The following PLEKHH3 variants were observed in gnomAD, a reference collection of about 807,000 sequenced individuals.
The protein encoded by PLEKHH3 is pleckstrin homology, MyTH4 and FERM domain containing H3.
PLEKHH3 carries 57 observed loss-of-function variants against 77.8 expected under a neutral mutation model. The observed-to-expected ratio is 0.73, with a 90% confidence interval of 0.59 to 0.91. The LOEUF (loss-of-function observed/expected upper bound fraction) is 0.91. PLEKHH3 is among the 40% of genes least tolerant of loss of function. PLEKHH3 has a pLI of 0.00. For missense variants in PLEKHH3, 1,082 were observed against 1,091.2 expected (o/e 0.99, Z 0.12); for synonymous variants, 467 against 504.8 (o/e 0.93, Z 1.00).
intron 10 of PLEKHH3, 32 bp from the exon 11 acceptor site, chr17:42,670,408 A>T: frequency 6.9e-7 from 1 of 1,459,828 alleles, no homozygotes; most frequent in Non-Finnish European, 9.0e-7. Context: ...TCAGTGTACG[A>T]GCGGCGGCGG....
At position 42,673,812 on chromosome 17, in the gene PLEKHH3, G is replaced by A; in HGVS notation, c.321C>T (p.Arg107=). Residue 107 remains arginine (R), a synonymous_variant, in exon 4 of 13, where the codon CGC becomes CGT. Coordinates refer to ENST00000591022, the MANE Select transcript of PLEKHH3 (RefSeq NM_024927.5). ...VVKGWLYREP[R]GGGARPWLPP... ...GCAGCCAGGGCCGCGCCCCTCCTCC[G>A]CGGGGCTCCCGGTACAGCCAACCTG... 6.3e-7 allele frequency: 1 copy of A among 1,590,564 alleles called. No homozygotes were observed. Among genetic ancestry groups the A allele is most frequent in the Non-Finnish European group, 8.5e-7 (1 of 1,173,454 alleles).
intron 1 of PLEKHH3, chr17:42,674,976 A>G (rs1052163720): frequency 2.6e-5 from 4 of 152,394 alleles, no homozygotes; most frequent in African/African-American, 9.7e-5. Context: ...ATTCTCCCAT[A>G]GACACTCCTG....
Position 42,671,049 on chromosome 17 carries a change from C to G in PLEKHH3, c.1366G>C (p.Glu456Gln). 1 of 1,610,294 alleles carries G rather than the reference C, an allele frequency of 6.2e-7. No individual in the cohort carries two copies. The stretch of plus-strand genomic sequence containing the variant: ...AGGGTCCCCCCAGCCAGGGCTCGCT[C>G]CTGGGCCCCTCGCTGCTCGTACAGC... Reference protein sequence around the residue: ...FALYEQRGAQERALAGGTLVA... With the variant: ...FALYEQRGAQQRALAGGTLVA... Residue 456 changes from glutamate (E) to glutamine (Q), a missense_variant, in exon 9 of 13, where the codon GAG becomes CAG. By Grantham distance (29) the Glu-to-Gln change is conservative. Around this residue, in one of 3 missense-constraint regions of PLEKHH3, gnomAD observed 733 missense variants for 750.0 expected, o/e 0.98. Transcript: ENST00000591022. This position sits in a 1 kb window ranked among gnomAD's most constrained non-coding sequence, Gnocchi z 4.7.
In PLEKHH3 at chr17:42,673,566, AG is replaced by A. The variant is rs761211515; in HGVS notation, c.491-11del. 1.3e-4 allele frequency: 212 copies of A among 1,587,536 alleles called. 1 individual carries two copies. The South Asian group carries it at 1.4e-3, about 10-fold the overall frequency. On this transcript the variant is annotated splice_polypyrimidine_tract_variant and intron_variant, in intron 4 of 12. Coordinates refer to ENST00000591022, the MANE Select transcript of PLEKHH3 (RefSeq NM_024927.5). ...GTCACTGACCACAGACCTGGGGAAAAGAGAGGCCAGGGAGGGCCATTAGGGT... is the reference window on the plus strand; with the variant it reads ...GTCACTGACCACAGACCTGGGGAAAAAGAGGCCAGGGAGGGCCATTAGGGT...
intron 1 of PLEKHH3, among the ~76,000 whole-genome samples, chr17:42,675,553 G>A (rs1424168014): frequency 6.6e-6 from 1 of 152,150 alleles, no homozygotes. Context: ...GCCTCCGCCA[G>A]GTGCTGGCGC....
rs373970639 is a variant in PLEKHH3 at position 42,671,851 on chromosome 17, C to A, written c.1076+235G>T. Among the ~76,000 whole-genome samples, 1 of 152,198 alleles carries A rather than the reference C, an allele frequency of 6.6e-6. No homozygotes were observed. Among genetic ancestry groups the A allele is most frequent in the Non-Finnish European group, 1.5e-5 (1 of 68,042 alleles). ...TTTACTACATTTTCCTAAGCCCTGG[C>A]GCTGGCCTGCATCAGCTGGAGGAAA... On this transcript the variant is annotated intron_variant, in intron 7 of 12. Coordinates refer to ENST00000591022, the MANE Select transcript of PLEKHH3 (RefSeq NM_024927.5). This position sits in a 1 kb window ranked among gnomAD's most constrained non-coding sequence, Gnocchi z 4.7.
chr17:42,669,282 C>T, intron 12 of PLEKHH3, 148 bp downstream of exon 12: 2 of 680,452 alleles, frequency 2.9e-6, no homozygotes, highest in East Asian at 6.6e-5. Flanking sequence ...TCTGACTCCA[C>T]TCTAGTGTAA....
At position 42,670,098 on chromosome 17, in the gene PLEKHH3, G is replaced by A. The variant is rs1168326302; in HGVS notation, c.1833C>T (p.Arg611=). 2 of 1,352,424 alleles carry A rather than the reference G, an allele frequency of 1.5e-6. No individual in the cohort carries two copies. The highest frequency in any genetic ancestry group is 1.9e-6 in the Non-Finnish European group (2 of 1,060,976). The allele number at this position is 1,352,424 out of a possible 1,614,324, so 83.8% of individuals were successfully genotyped here. The stretch of plus-strand genomic sequence containing the variant: ...CCTCGCGGGCAATGCTTCCCGCAGT[G>A]CGGCCGGCCCCGCCGCGCCGGGCCC... ...AERARRGGAG[R]TAGSIAREGG... The change falls in exon 11 of 13, where the codon CGC becomes CGT. Residue 611 remains arginine (R), a synonymous_variant. Transcript: ENST00000591022.
At position 42,670,346 on chromosome 17, in the gene PLEKHH3, G is replaced by T; in HGVS notation, c.1585C>A (p.Pro529Thr). ...GCGCGCAGCGTGTCGTCGGGTGGGG[G>T]CGGCCGGCCCCGCAGCAGCAGAGCG... ...AHALLLRGRP[P>T]PPDDTLRALA... Residue 529 changes from proline (P) to threonine (T), a missense_variant, in exon 11 of 13, where the codon CCC becomes ACC. Physicochemically the swap from Pro to Thr is conservative, Grantham distance 38 (BLOSUM62 -1). Transcript: ENST00000591022. 7.1e-7 allele frequency: 1 copy of T among 1,410,362 alleles called. No individual in the cohort carries two copies. The highest frequency in any genetic ancestry group is 9.2e-7 in the Non-Finnish European group (1 of 1,091,944). The allele number at this position is 1,410,362 out of a possible 1,614,324, so 87.4% of individuals were successfully genotyped here.
At position 42,669,585 on chromosome 17, in the gene PLEKHH3, C is replaced by A; in HGVS notation, c.2050G>T (p.Gly684Cys). 1 of 1,610,400 alleles carries A rather than the reference C, an allele frequency of 6.2e-7. No homozygotes were observed. Among genetic ancestry groups the A allele is most frequent in the Non-Finnish European group, 8.5e-7 (1 of 1,177,676 alleles). ...AGGGACATGGCCTTGGCTCCCAAGCCCAGGCACAGCTTCTGTGGAGCACCC... is the reference window on the plus strand; with the variant it reads ...AGGGACATGGCCTTGGCTCCCAAGCACAGGCACAGCTTCTGTGGAGCACCC... ...GRGAPQKLCL[G>C]LGAKAMSLSR... Residue 684 changes from glycine to cysteine, a missense_variant, in exon 12 of 13, where the codon GGC becomes TGC. Coordinates refer to ENST00000591022, the MANE Select transcript of PLEKHH3 (RefSeq NM_024927.5).
intron 9 of PLEKHH3, 123 bp from the exon 10 acceptor site, chr17:42,670,828 A>G (rs527710568): frequency 1.3e-6 from 2 of 1,516,362 alleles, no homozygotes; most frequent in African/African-American, 1.4e-5. Context: ...AGCGGAGGTG[A>G]TGCTGCAGTC....
chr17:42,671,314 G>A lies in PLEKHH3; in HGVS notation c.1284+37C>T. 1 of 1,598,446 alleles carries A rather than the reference G, an allele frequency of 6.3e-7. No homozygotes were observed. Among genetic ancestry groups the A allele is most frequent in the Non-Finnish European group, 8.5e-7 (1 of 1,170,240 alleles). On this transcript the variant is annotated intron_variant, in intron 8 of 12. Transcript: ENST00000591022. This position sits in a 1 kb window ranked among gnomAD's most constrained non-coding sequence, Gnocchi z 4.7. ...GAGACAGGCGTGAGAAGCTGGCAGG[G>A]TGGGTTGGAGGTCATGGGGCCTTTC...
chr17:42,674,124 C>G (rs2143599358), intron 2 of PLEKHH3, 111 bp from the exon 3 acceptor site: 1 of 1,239,596 alleles, frequency 8.1e-7, no homozygotes, highest in East Asian at 2.5e-5. Context: ...CACCCCTCCC[C>G]CAGGCTGTGG....
chr17:42,676,436 TC>T lies in PLEKHH3; in HGVS notation c.127del (p.Glu43SerfsTer17). Reference protein sequence around the residue: ...GDEDEDEETFELRTPSPAGGG... With the variant: ...GDEDEDEETFXLRTPSPAGGG... ...GCCCGCTGGACTCGGGGTCCGCAGC[TC>T]AAAGGTTTCCTCGTCCTCGTCCTCG... On this transcript the variant is annotated frameshift_variant, in exon 1 of 13. Transcript: ENST00000591022. LOFTEE classifies it high-confidence loss of function. This position sits in a 1 kb window ranked among gnomAD's most constrained non-coding sequence, Gnocchi z 6.6. 6.2e-7 allele frequency: 1 copy of T among 1,613,418 alleles called. No individual in the cohort carries two copies. Among genetic ancestry groups the T allele is most frequent in the Non-Finnish European group, 8.5e-7 (1 of 1,179,934 alleles).
chr17:42,673,823 G>C lies in PLEKHH3; in HGVS notation c.310C>G (p.Arg104Gly), dbSNP rs750937800. 3 of 1,593,238 alleles carry C rather than the reference G, an allele frequency of 1.9e-6. No homozygotes were observed. Among genetic ancestry groups the C allele is most frequent in the Admixed American group, 1.7e-5 (1 of 58,046 alleles). ...PDIVVKGWLY[R>G]EPRGGGARPW... ...CGCGCCCCTCCTCCGCGGGGCTCCCGGTACAGCCAACCTGGGGGCCGGAGA... is the reference window on the plus strand; with the variant it reads ...CGCGCCCCTCCTCCGCGGGGCTCCCCGTACAGCCAACCTGGGGGCCGGAGA... Residue 104 changes from arginine (R) to glycine (G), a missense_variant, in exon 4 of 13, where the codon CGG becomes GGG. By Grantham distance (125) the Arg-to-Gly change is moderately radical. This residue lies in a region of PLEKHH3 where 344 missense variants were observed against 320.8 expected (regional missense o/e 1.07). Coordinates refer to ENST00000591022, the MANE Select transcript of PLEKHH3 (RefSeq NM_024927.5).
In PLEKHH3 at chr17:42,671,680, T is replaced by C. The variant is rs971955668; in HGVS notation, c.1077-122A>G. 1.1e-5 allele frequency: 12 copies of C among 1,057,794 alleles called. No individual in the cohort carries two copies. In the African/African-American group the frequency reaches 1.9e-4, roughly 17 times the overall value. The allele number at this position is 1,057,794 out of a possible 1,614,324, so 65.5% of individuals were successfully genotyped here. A position where few individuals can be genotyped will look rare whatever the true frequency, so the allele number is the denominator to read the frequency against. ...TTCCTCCCCGCCCCAACTCAAGTTC[T>C]TTGAAGGCTCTTCTAAATCTCTCCC... On this transcript the variant is annotated intron_variant, in intron 7 of 12. Coordinates refer to ENST00000591022, the MANE Select transcript of PLEKHH3 (RefSeq NM_024927.5). This position sits in a 1 kb window ranked among gnomAD's most constrained non-coding sequence, Gnocchi z 4.7.
Position 42,671,591 on chromosome 17 carries a change from C to T in PLEKHH3, c.1077-33G>A. Reference sequence around the variant, plus strand: ...AGGAGGAACCCAGGGATCAATACTCCAAGGGCTTTCTTCTCCCCCTCCCTC... The same window carrying T: ...AGGAGGAACCCAGGGATCAATACTCTAAGGGCTTTCTTCTCCCCCTCCCTC... On this transcript the variant is annotated intron_variant, in intron 7 of 12. Transcript: ENST00000591022. The surrounding 1 kb of genome is among the most constrained non-coding windows in gnomAD (Gnocchi z 4.7). The T allele has an allele frequency of 1.3e-6, 2 of 1,564,840 alleles. No homozygotes were observed. Among genetic ancestry groups the T allele is most frequent in the African/African-American group, 1.3e-5 (1 of 74,114 alleles).
intron 2 of PLEKHH3, 147 bp downstream of exon 2, chr17:42,674,207 G>C: frequency 8.7e-7 from 1 of 1,143,618 alleles, no homozygotes; most frequent in Non-Finnish European, 1.2e-6. Context: ...GCCCCCAGCC[G>C]GACCGCCCCC....
Position 42,670,190 on chromosome 17 carries a change from GC to G in PLEKHH3, c.1740del (p.Pro582LeufsTer88). ...CCGGCCAGCAGGGCAGCGGAAGGGG[GC>G]GGCCTGGGGGTCGGGCGGGGCGGGT... ...REDPPRPTPR[P>X]PPSAALLAGA... On this transcript the variant is annotated frameshift_variant, in exon 11 of 13. Coordinates refer to ENST00000591022, the MANE Select transcript of PLEKHH3 (RefSeq NM_024927.5). LOFTEE classifies it high-confidence loss of function. 1 of 1,208,196 alleles carries G rather than the reference GC, an allele frequency of 8.3e-7. No individual in the cohort carries two copies. Among genetic ancestry groups the G allele is most frequent in the Non-Finnish European group, 1.0e-6 (1 of 974,814 alleles). The allele number at this position is 1,208,196 out of a possible 1,614,324, so 74.8% of individuals were successfully genotyped here.
Sources: allele counts gnomAD v4.1 joint callset (sites outside exome capture counted in the v4.1 genomes callset), GRCh38; gene constraint gnomAD v4.1.1; regional missense constraint gnomAD v4.1.1; non-coding constraint Gnocchi (gnomAD v3.1); transcripts MANE v1.5; gene names NCBI Gene and HGNC (gene_info 2026-07-23, HGNC 2026-07-21).